The following TMTC1 variants were observed in gnomAD, a reference collection of about 807,000 sequenced individuals.
TMTC1 encodes the protein transmembrane O-mannosyltransferase targeting cadherins 1.
In TMTC1, 73 loss-of-function variants were observed where a neutral mutation model predicts 104.8. The observed-to-expected ratio is 0.70, with a 90% confidence interval of 0.58 to 0.85. The LOEUF (loss-of-function observed/expected upper bound fraction) is 0.85. Ranked by LOEUF, TMTC1 falls within the 40% of genes least tolerant of loss-of-function variation. The pLI is 0.00. For synonymous variants in TMTC1, 434 were observed against 428.7 expected (o/e 1.01, Z -0.15); for missense variants, 1,035 against 1,096.1 (o/e 0.94, Z 0.79).
intron 5 of TMTC1, among the ~76,000 whole-genome samples, chr12:29,750,062 T>TACACACACACACACACAA (rs148312958): frequency 2.9e-4 from 43 of 146,536 alleles, no homozygotes; most frequent in Admixed American, 2.7e-3. Flanking sequence ...TAACTGTCTA[T>TACACACACACACACACAA]ACACACACAC....
intron 5 of TMTC1, among the ~76,000 whole-genome samples, chr12:29,733,813 C>T (rs990034347): frequency 1.5e-4 from 23 of 152,188 alleles, no homozygotes; most frequent in African/African-American, 5.5e-4. Context: ...CTCAACACAT[C>T]ATGCTCTTTT....
At position 29,563,773 on chromosome 12, in the gene TMTC1, G is replaced by A. The variant is rs190467454; in HGVS notation, c.1533-6773C>T. 1.3e-4 allele frequency among the ~76,000 whole-genome samples: 20 copies of A among 152,286 alleles called. No individual in the cohort carries two copies. The East Asian group carries it at 1.4e-3, about 10-fold the overall frequency. On this transcript the variant is annotated intron_variant, in intron 9 of 17. Transcript: ENST00000539277. ...TAAAGCACGTACAATGTGCCAGACCGTTTGCTAAGGGCACACAGCATTAAA... is the reference window on the plus strand; with the variant it reads ...TAAAGCACGTACAATGTGCCAGACCATTTGCTAAGGGCACACAGCATTAAA...
intron 5 of TMTC1, among the ~76,000 whole-genome samples, chr12:29,664,050 A>G (rs1049093287): frequency 2.9e-4 from 44 of 150,480 alleles, no homozygotes; most frequent in African/African-American, 6.5e-4. Context: ...AGCCGGGCGT[A>G]GTGGCGGGCG....
intron 5 of TMTC1, among the ~76,000 whole-genome samples, chr12:29,732,618 T>C (rs750202495): frequency 5.3e-5 from 8 of 152,214 alleles, no homozygotes; most frequent in Non-Finnish European, 1.2e-4. Flanking sequence ...AGACTCTTTA[T>C]GTATTAAACT....
Position 29,502,542 on chromosome 12 carries a change from A to G in TMTC1, c.*4304T>C, listed in dbSNP as rs1943616497. The G allele has an allele frequency of 6.6e-6, 1 of 152,150 alleles. No homozygotes were observed. The highest frequency in any genetic ancestry group is 1.5e-5 in the Non-Finnish European group (1 of 68,018). The allele number at this position is 152,150 out of a possible 1,614,324, so 9.4% of individuals were successfully genotyped here. ...TCAAGGCAATTCCTCTCCATCTGAGAACGAGGAATTGTGTCATTTTAAGGC... is the reference window on the plus strand; with the variant it reads ...TCAAGGCAATTCCTCTCCATCTGAGGACGAGGAATTGTGTCATTTTAAGGC... On this transcript the variant is annotated 3_prime_UTR_variant, in exon 18 of 18. Transcript: ENST00000539277.
intron 3 of TMTC1, 69 bp downstream of exon 3, chr12:29,758,635 C>T: frequency 6.9e-7 from 1 of 1,439,334 alleles, no homozygotes; most frequent in South Asian, 1.2e-5. Context: ...TCCTCTCAGG[C>T]ACATGCTCCC....
rs567816114 is a variant in TMTC1 at position 29,560,616 on chromosome 12, TA to T, written c.1533-3617del. Among the ~76,000 whole-genome samples the T allele has an allele frequency of 6.4e-3, 978 of 151,926 alleles. 14 individuals carry two copies. Among genetic ancestry groups the T allele is most frequent in the African/African-American group, 0.023 (937 of 41,448 alleles). The stretch of plus-strand genomic sequence containing the variant: ...TCTACAAAAAAATAAAAATAAAGAT[TA>T]AAAAAAATAACAAAACATACATATA... On this transcript the variant is annotated intron_variant, in intron 9 of 17. Coordinates refer to ENST00000539277, the MANE Select transcript of TMTC1 (RefSeq NM_001193451.2).
chr12:29,745,046 C>T (rs1354602046), intron 5 of TMTC1, among the ~76,000 whole-genome samples: 2 of 152,170 alleles, frequency 1.3e-5, no homozygotes, highest in African/African-American at 2.4e-5. Flanking sequence ...CCACCTCAGC[C>T]TCCCAAAGTG....
chr12:29,707,669 C>T (rs564435692), intron 5 of TMTC1, among the ~76,000 whole-genome samples: 1 of 152,190 alleles, frequency 6.6e-6, no homozygotes, highest in Non-Finnish European at 1.5e-5. Flanking sequence ...GGCCTCTGCA[C>T]ATGTGGCCAT....
At chr12:29,559,244 G>T (rs530667425) in intron 9 of TMTC1, among the ~76,000 whole-genome samples, 8 of 152,292 alleles carry the variant, frequency 5.3e-5, no homozygotes, top group Non-Finnish European at 1.0e-4. Flanking sequence ...TAAAGGAAAG[G>T]ACAGGCTAAA....
chr12:29,629,017 T>A (rs919023632), intron 6 of TMTC1, among the ~76,000 whole-genome samples: 3 of 151,856 alleles, frequency 2.0e-5, no homozygotes, highest in Admixed American at 6.5e-5. Flanking sequence ...AATCAGAAAA[T>A]TTTTAAAGCT....
chr12:29,740,875 G>C (rs552265505), intron 5 of TMTC1, among the ~76,000 whole-genome samples: 92 of 152,268 alleles, frequency 6.0e-4, no homozygotes, highest in African/African-American at 1.8e-3. Context: ...TAAATGTTTT[G>C]ACCTTGCCAG....
At chr12:29,759,793 C>A (rs1943301074) in intron 2 of TMTC1, among the ~76,000 whole-genome samples, 1 of 151,970 alleles carries the variant, frequency 6.6e-6, no homozygotes, top group Non-Finnish European at 1.5e-5. Flanking sequence ...AAATGACAGT[C>A]AAAAGGTCAT....
intron 2 of TMTC1, among the ~76,000 whole-genome samples, 180 bp downstream of exon 2, chr12:29,767,718 C>T (rs1943500461): frequency 6.6e-6 from 1 of 152,076 alleles, no homozygotes; most frequent in African/African-American, 2.4e-5. Context: ...ATAGAGTGAA[C>T]TCATATGTTT....
intron 1 of TMTC1, among the ~76,000 whole-genome samples, chr12:29,774,788 G>C (rs1485211964): frequency 1.3e-5 from 2 of 152,108 alleles, no homozygotes; most frequent in African/African-American, 4.8e-5. Flanking sequence ...TCAGTACCAG[G>C]AATAAATCAG....
intron 5 of TMTC1, among the ~76,000 whole-genome samples, chr12:29,653,063 T>A (rs1276436328): frequency 1.3e-5 from 2 of 151,372 alleles, no homozygotes; most frequent in East Asian, 3.9e-4. Context: ...CTGTGAACTG[T>A]GTCTCATAAA....
chr12:29,620,439 G>C (rs1392992701), intron 6 of TMTC1, among the ~76,000 whole-genome samples: 1 of 152,194 alleles, frequency 6.6e-6, no homozygotes, highest in Non-Finnish European at 1.5e-5. Context: ...CTTGAAGTTG[G>C]TGGTAAATTT....
intron 5 of TMTC1, among the ~76,000 whole-genome samples, chr12:29,725,309 G>A (rs1001446659): frequency 6.6e-6 from 1 of 151,550 alleles, no homozygotes; most frequent in Admixed American, 6.6e-5. Flanking sequence ...TTACAGGCAT[G>A]AGCCACCACG....
At chr12:29,706,942 G>A (rs568307126) in intron 5 of TMTC1, among the ~76,000 whole-genome samples, 1 of 152,296 alleles carries the variant, frequency 6.6e-6, no homozygotes, top group African/African-American at 2.4e-5. Context: ...AGACAGGATT[G>A]AAAGCAGCAA....
Sources: allele counts gnomAD v4.1 joint callset (sites outside exome capture counted in the v4.1 genomes callset), GRCh38; gene constraint gnomAD v4.1.1; transcripts MANE v1.5; gene names NCBI Gene and HGNC (gene_info 2026-07-23, HGNC 2026-07-21).